CD74: variants seen among roughly 807,000 people sequenced by gnomAD.
CD74 encodes CD74 molecule.
A neutral mutation model predicts 37.1 loss-of-function variants in CD74; 20 were observed. That is an observed-to-expected ratio of 0.54 (90% CI 0.38 to 0.78). CD74 has a LOEUF of 0.78. Ranked by LOEUF, CD74 falls within the 30% of genes least tolerant of loss-of-function variation. The pLI is 0.00. For missense variants in CD74, 338 were observed against 389.5 expected, an observed-to-expected ratio of 0.87 and a Z score of 1.11; for synonymous variants, 150 against 152.0, an observed-to-expected ratio of 0.99 and a Z score of 0.10.
intron 1 of CD74, among the ~76,000 whole-genome samples, chr5:150,409,537 GA>G (rs948312564): frequency 2.0e-5 from 3 of 147,414 alleles, no homozygotes; most frequent in African/African-American, 5.1e-5. Flanking sequence ...AAAAAAAAAA[GA>G]AAAAATTAGC....
In CD74 at chr5:150,402,198, T is replaced by C. The variant is rs935133952; in HGVS notation, c.*42A>G. 4 of 1,592,846 alleles carry C rather than the reference T, an allele frequency of 2.5e-6. No individual in the cohort carries two copies. Among genetic ancestry groups the C allele is most frequent in the Admixed American group, 3.5e-5 (2 of 56,446 alleles). On this transcript the variant is annotated 3_prime_UTR_variant, in exon 9 of 9. Coordinates refer to ENST00000009530, the MANE Select transcript of CD74 (RefSeq NM_001025159.3). The surrounding 1 kb of genome is among the most constrained non-coding windows in gnomAD (Gnocchi z 4.2). ...CTGAAGGGAGCAAGAAAGCTGTAGC[T>C]GTGTGGGGCTGGCAGGATGTTGAAG...
chr5:150,404,722 T>C lies in CD74; in HGVS notation c.583A>G (p.Arg195Gly), dbSNP rs2151177125. 12 of 1,589,108 alleles carry C rather than the reference T, an allele frequency of 7.6e-6. No individual in the cohort carries two copies. Among genetic ancestry groups the C allele is most frequent in the South Asian group, 1.2e-5 (1 of 86,906 alleles). ...MHHWLLFEMS[R>G]HSLEQKPTDA... The stretch of plus-strand genomic sequence containing the variant: ...GTGGGCTTTTGCTCCAAGGAGTGCC[T>C]GCTCATTTCAAACAGGAGCCAATGG... The change falls in exon 6 of 9, where the codon AGG (arginine) becomes GGG (glycine). Residue 195 changes from arginine to glycine, a missense_variant. Arg to Gly is a moderately radical substitution (Grantham distance 125, BLOSUM62 -2). Coordinates refer to ENST00000009530, the MANE Select transcript of CD74 (RefSeq NM_001025159.3).
chr5:150,408,052 G>GT lies in CD74; in HGVS notation c.126-729dup, dbSNP rs375708711. Among the ~76,000 whole-genome samples the GT allele has an allele frequency of 4.4e-3, 641 of 146,860 alleles. 4 individuals carry two copies. Among genetic ancestry groups the GT allele is most frequent in the African/African-American group, 0.014 (567 of 40,154 alleles). On this transcript the variant is annotated intron_variant, in intron 1 of 8. Coordinates refer to ENST00000009530, the MANE Select transcript of CD74 (RefSeq NM_001025159.3). Reference sequence around the variant, plus strand: ...GTCACCGCGCCCAGCCTTTTGTTTTGTTTTTTTTTTCTGCTGGCAGGATCA... The same window carrying GT: ...GTCACCGCGCCCAGCCTTTTGTTTTGTTTTTTTTTTTCTGCTGGCAGGATCA...
Position 150,407,663 on chromosome 5 carries a change from G to T in CD74, c.126-339C>A, listed in dbSNP as rs186944854. 1.2e-4 allele frequency among the ~76,000 whole-genome samples: 18 copies of T among 151,908 alleles called. No homozygotes were observed. The highest frequency in any genetic ancestry group is 6.6e-4 in the Admixed American group (10 of 15,266). ...TGCCTGTGCGATGAGGGGTTGAGGT[G>T]GGGGGGTCTTCCCAGGCTCCCTTTG... On this transcript the variant is annotated intron_variant, in intron 1 of 8. Coordinates refer to ENST00000009530, the MANE Select transcript of CD74 (RefSeq NM_001025159.3). The surrounding 1 kb of genome is among the most constrained non-coding windows in gnomAD (Gnocchi z 4.4).
chr5:150,403,080 C>T lies in CD74; in HGVS notation c.817+41G>A, dbSNP rs373060282. 9 of 1,561,402 alleles carry T rather than the reference C, an allele frequency of 5.8e-6. No individual in the cohort carries two copies. In the African/African-American group the frequency reaches 8.1e-5, roughly 14 times the overall value. ...CCTCTTGCCCCTCAACCTTCCTAGT[C>T]CTTCCTGGTCCTCTGACACTGGCAC... is the stretch of plus-strand genomic sequence containing the variant. On this transcript the variant is annotated intron_variant, in intron 7 of 8. Coordinates refer to ENST00000009530, the MANE Select transcript of CD74 (RefSeq NM_001025159.3). The surrounding 1 kb of genome is among the most constrained non-coding windows in gnomAD (Gnocchi z 4.5).
intron 1 of CD74, among the ~76,000 whole-genome samples, chr5:150,408,661 G>T (rs148683358): frequency 5.4e-4 from 82 of 152,242 alleles, no homozygotes; most frequent in African/African-American, 1.4e-3. Flanking sequence ...GCGACTGGGG[G>T]GTGCATGCAT....
Position 150,409,720 on chromosome 5 carries a change from A to C in CD74, c.126-2396T>G, listed in dbSNP as rs531592944. Among the ~76,000 whole-genome samples the C allele has an allele frequency of 4.9e-3, 732 of 148,616 alleles. 7 individuals carry two copies. The highest frequency in any genetic ancestry group is 0.016 in the African/African-American group (647 of 40,782). On this transcript the variant is annotated intron_variant, in intron 1 of 8. Coordinates refer to ENST00000009530, the MANE Select transcript of CD74 (RefSeq NM_001025159.3). ...AAAACATAACAAAAAAAAAAAAAAA[A>C]AACAAGAAAGCCCCTCCAGAACTGT...
chr5:150,412,595 G>A (rs1204493918), intron 1 of CD74, 30 bp downstream of exon 1: 1 of 1,519,122 alleles, frequency 6.6e-7, no homozygotes, highest in Non-Finnish European at 9.1e-7. Flanking sequence ...GTCCAGGATC[G>A]GTGTGCCCTT....
Position 150,402,317 on chromosome 5 carries a change from C to G in CD74, c.881-67G>C. The G allele has an allele frequency of 8.2e-7, 1 of 1,221,722 alleles. No homozygotes were observed. Among genetic ancestry groups the G allele is most frequent in the Non-Finnish European group, 1.2e-6 (1 of 840,846 alleles). The allele number at this position is 1,221,722 out of a possible 1,614,324, so 75.7% of individuals were successfully genotyped here. ...TGTTGTCCCTGCCCCTTTCTAACAT[C>G]CTGGACCTGCAGAGCAGTTAAGGAC... On this transcript the variant is annotated intron_variant, in intron 8 of 8. Transcript: ENST00000009530. This position sits in a 1 kb window ranked among gnomAD's most constrained non-coding sequence, Gnocchi z 4.2.
At chr5:150,405,941 A>AT in intron 4 of CD74, 1 of 234,010 alleles carries the variant, frequency 4.3e-6, no homozygotes, top group South Asian at 6.0e-5. Flanking sequence ...CATCCGGCTA[A>AT]TTTTTGTATT....
chr5:150,409,888 C>G (rs539046113), intron 1 of CD74, among the ~76,000 whole-genome samples: 1 of 152,040 alleles, frequency 6.6e-6, no homozygotes, highest in African/African-American at 2.4e-5. Context: ...ACCCTGCCTA[C>G]TCCAGCAACC....
At chr5:150,409,490 G>A (rs1770201805) in intron 1 of CD74, among the ~76,000 whole-genome samples, 1 of 151,532 alleles carries the variant, frequency 6.6e-6, no homozygotes, top group Non-Finnish European at 1.5e-5. Context: ...TCATGCCATT[G>A]CACTCCAGCC....
rs2151167710 is a variant in CD74 at position 150,402,677 on chromosome 5, C to A, written c.818-52G>T. The A allele has an allele frequency of 6.7e-7, 1 of 1,494,938 alleles. No individual in the cohort carries two copies. Among genetic ancestry groups the A allele is most frequent in the Non-Finnish European group, 9.2e-7 (1 of 1,089,298 alleles). 92.6% of individuals were successfully genotyped at this position (1,494,938 alleles called of 1,614,324 possible). ...TCACTTGAAGTGCAGCCTACCTGAC[C>A]CAAGATGCCTGAGGGCAGTGCTTCC... On this transcript the variant is annotated intron_variant, in intron 7 of 8. Transcript: ENST00000009530. This position sits in a 1 kb window ranked among gnomAD's most constrained non-coding sequence, Gnocchi z 4.2.
In CD74 at chr5:150,403,242, G is replaced by A. The variant is rs762252098; in HGVS notation, c.696C>T (p.Cys232=). 7.1e-5 allele frequency: 115 copies of A among 1,613,866 alleles called. No individual in the cohort carries two copies. The highest frequency in any genetic ancestry group is 1.1e-4 in the East Asian group (5 of 44,898). ...AVHPGSFRPK[C]DENGNYLPLQ... ...GTGGCAGATAGTTGCCGTTCTCGTC[G>A]CACTTGGGCCTGAATGAACCCGGGT... is the stretch of plus-strand genomic sequence containing the variant. Residue 232 remains cysteine (C), a synonymous_variant, in exon 7 of 9, where the codon TGC becomes TGT. Coordinates refer to ENST00000009530, the MANE Select transcript of CD74 (RefSeq NM_001025159.3). This position sits in a 1 kb window ranked among gnomAD's most constrained non-coding sequence, Gnocchi z 4.5.
At chr5:150,412,575 C>G (rs758768447) in intron 1 of CD74, 50 bp downstream of exon 1, 2 of 1,380,554 alleles carry the variant, frequency 1.4e-6, no homozygotes, top group Non-Finnish European at 2.0e-6. Context: ...CACATGCGCA[C>G]GGCTCTGCAG....
At chr5:150,406,586 G>T in intron 3 of CD74, 1 of 590,396 alleles carries the variant, frequency 1.7e-6, no homozygotes, top group Non-Finnish European at 3.0e-6. Flanking sequence ...TATTGTCAAT[G>T]CATGATAGCA....
chr5:150,410,672 C>A (rs1250931649), intron 1 of CD74, among the ~76,000 whole-genome samples: 3 of 145,776 alleles, frequency 2.1e-5, no homozygotes, highest in Admixed American at 1.4e-4. Flanking sequence ...CTACCTTCTT[C>A]TGCAATTAAA....
In CD74 at chr5:150,401,842, G is replaced by A. The variant is rs1317300572; in HGVS notation, c.*398C>T. 5 of 665,858 alleles carry A rather than the reference G, an allele frequency of 7.5e-6. No homozygotes were observed. The highest frequency in any genetic ancestry group is 2.4e-4 in the Middle Eastern group (1 of 4,186). 41.2% of individuals were successfully genotyped at this position (665,858 alleles called of 1,614,324 possible). A position where few individuals can be genotyped will look rare whatever the true frequency, so the allele number is the denominator to read the frequency against. ...GCTAGAAAAGCCAAGGCCAAAGGCT[G>A]GAGGGGAGAGGACAGTCAGCATGTC... On this transcript the variant is annotated 3_prime_UTR_variant, in exon 9 of 9. Coordinates refer to ENST00000009530, the MANE Select transcript of CD74 (RefSeq NM_001025159.3).
chr5:150,405,280 A>G (rs973141014), intron 4 of CD74, 100 bp from the exon 5 acceptor site: 1 of 1,480,016 alleles, frequency 6.8e-7, no homozygotes, highest in Non-Finnish European at 9.0e-7. Flanking sequence ...ATTCTGAGGA[A>G]TGGACCAGAG....
Sources: allele counts gnomAD v4.1 joint callset (sites outside exome capture counted in the v4.1 genomes callset), GRCh38; gene constraint gnomAD v4.1.1; non-coding constraint Gnocchi (gnomAD v3.1); transcripts MANE v1.5; gene names NCBI Gene and HGNC (gene_info 2026-07-23, HGNC 2026-07-21).